The following CNTNAP5 variants were observed in gnomAD, a reference collection of about 807,000 sequenced individuals.
CNTNAP5 encodes the protein contactin associated protein family member 5.
Under a neutral mutation model 150.2 loss-of-function variants are expected in CNTNAP5, and 72 were observed. The observed-to-expected ratio is 0.48, with a 90% CI of 0.40 to 0.58. The LOEUF is 0.58. Ranked by LOEUF, CNTNAP5 falls within the 20% of genes least tolerant of loss-of-function variation. CNTNAP5 has a pLI of 0.00. For missense variants in CNTNAP5, 1,636 were observed against 1,626.2 expected, an observed-to-expected ratio of 1.01 and a Z score of -0.10; for synonymous variants, 672 against 619.8, an observed-to-expected ratio of 1.08 and a Z score of -1.25.
At chr2:124,897,350 A>G (rs762750834) in intron 21 of CNTNAP5, among the ~76,000 whole-genome samples, 2 of 151,546 alleles carry the variant, frequency 1.3e-5, no homozygotes, top group Non-Finnish European at 2.9e-5. Context: ...GGTCTGCTAA[A>G]TTAATCCACC....
chr2:124,079,825 C>T (rs1201187852), intron 1 of CNTNAP5, among the ~76,000 whole-genome samples: 2 of 152,052 alleles, frequency 1.3e-5, no homozygotes, highest in Non-Finnish European at 2.9e-5. Flanking sequence ...GTTCAAAATG[C>T]AGGCTCAATA....
At chr2:124,371,471 A>G (rs994239885) in intron 3 of CNTNAP5, among the ~76,000 whole-genome samples, 9 of 152,140 alleles carry the variant, frequency 5.9e-5, no homozygotes, top group African/African-American at 2.2e-4. Flanking sequence ...TGGGAGTTCC[A>G]TAATCCATTA....
At chr2:124,586,142 T>C (rs909823877) in intron 11 of CNTNAP5, among the ~76,000 whole-genome samples, 1 of 152,146 alleles carries the variant, frequency 6.6e-6, no homozygotes, top group Non-Finnish European at 1.5e-5. Context: ...AGGCAGGACT[T>C]CCTCACTTAG....
intron 13 of CNTNAP5, among the ~76,000 whole-genome samples, chr2:124,676,696 G>A (rs1012134828): frequency 2.0e-5 from 3 of 152,176 alleles, no homozygotes; most frequent in Admixed American, 2.0e-4. Context: ...ACTTGTGAGG[G>A]TGTTGGTTTT....
At chr2:124,131,552 G>A (rs1348073000) in intron 1 of CNTNAP5, among the ~76,000 whole-genome samples, 1 of 152,172 alleles carries the variant, frequency 6.6e-6, no homozygotes, top group African/African-American at 2.4e-5. Flanking sequence ...ATTCAATGAT[G>A]TGCTGATAGG....
In CNTNAP5 at chr2:124,869,190, C is replaced by T. The variant is rs1048353687; in HGVS notation, c.3349-485C>T. 3.9e-5 allele frequency among the ~76,000 whole-genome samples: 6 copies of T among 152,016 alleles called. No homozygotes were observed. The East Asian group carries it at 9.7e-4, about 25-fold the overall frequency. ...TGTTTTGTCAGACTGCAATCCTTGC[C>T]CAGGAAAAGCTCTCTGCCCACAACT... is the stretch of plus-strand genomic sequence containing the variant. On this transcript the variant is annotated intron_variant, in intron 20 of 23. Coordinates refer to ENST00000682447, the MANE Select transcript of CNTNAP5 (RefSeq NM_001367498.1).
chr2:124,670,557 T>G (rs1193176541), intron 13 of CNTNAP5, among the ~76,000 whole-genome samples: 2 of 152,026 alleles, frequency 1.3e-5, no homozygotes, highest in Non-Finnish European at 2.9e-5. Flanking sequence ...GTTTCTAATT[T>G]TGATGAAGCC....
chr2:124,094,943 G>A (rs1490861919), intron 1 of CNTNAP5, among the ~76,000 whole-genome samples: 1 of 152,184 alleles, frequency 6.6e-6, no homozygotes, highest in East Asian at 1.9e-4. Flanking sequence ...GGTGGGCACT[G>A]CTGCCCTCAG....
At chr2:124,159,454 A>T (rs1684622862) in intron 1 of CNTNAP5, among the ~76,000 whole-genome samples, 1 of 152,130 alleles carries the variant, frequency 6.6e-6, no homozygotes, top group African/African-American at 2.4e-5. Context: ...TATTTACAAA[A>T]ATAGGTGGCA....
intron 3 of CNTNAP5, among the ~76,000 whole-genome samples, chr2:124,262,480 T>G (rs943730847): frequency 6.6e-6 from 1 of 152,160 alleles, no homozygotes; most frequent in Non-Finnish European, 1.5e-5. Context: ...ACCAGCATCA[T>G]TCTGTAAACT....
intron 1 of CNTNAP5, among the ~76,000 whole-genome samples, chr2:124,121,137 T>TACACACAC (rs3981152): frequency 3.0e-4 from 45 of 148,752 alleles, no homozygotes; most frequent in Admixed American, 9.4e-4. Context: ...CTTATTGCCA[T>TACACACAC]ACACACACAC....
intron 8 of CNTNAP5, among the ~76,000 whole-genome samples, chr2:124,508,043 C>A (rs1026262626): frequency 6.6e-6 from 1 of 151,842 alleles, no homozygotes; most frequent in African/African-American, 2.4e-5. Flanking sequence ...TATTAGCAGG[C>A]ACAGATTATC....
At chr2:124,473,457 A>C (rs1409562690) in intron 6 of CNTNAP5, among the ~76,000 whole-genome samples, 1 of 152,096 alleles carries the variant, frequency 6.6e-6, no homozygotes, top group Non-Finnish European at 1.5e-5. Context: ...AGTGGGCAAC[A>C]GGATTAATAA....
intron 11 of CNTNAP5, among the ~76,000 whole-genome samples, chr2:124,597,163 G>A (rs1389202274): frequency 2.7e-5 from 4 of 148,016 alleles, no homozygotes; most frequent in East Asian, 4.1e-4. Flanking sequence ...ATATTGTTAT[G>A]TGTGAATTTG....
intron 17 of CNTNAP5, among the ~76,000 whole-genome samples, 179 bp from the exon 18 acceptor site, chr2:124,789,723 A>G (rs1681675697): frequency 6.6e-6 from 1 of 152,140 alleles, no homozygotes; most frequent in African/African-American, 2.4e-5. Context: ...TGTTTCTAGG[A>G]CATGCATTTA....
chr2:124,335,662 G>A (rs1239255811), intron 3 of CNTNAP5, among the ~76,000 whole-genome samples: 1 of 151,050 alleles, frequency 6.6e-6, no homozygotes, highest in African/African-American at 2.4e-5. Flanking sequence ...TGAAAAGGAA[G>A]GAAAGACAGG....
chr2:124,352,468 G>A (rs1337162039), intron 3 of CNTNAP5, among the ~76,000 whole-genome samples: 2 of 152,134 alleles, frequency 1.3e-5, no homozygotes, highest in East Asian at 3.9e-4. Context: ...AGACAAAACA[G>A]TGCCTGGACG....
chr2:124,344,687 T>C (rs1689696878), intron 3 of CNTNAP5, among the ~76,000 whole-genome samples: 1 of 152,074 alleles, frequency 6.6e-6, no homozygotes, highest in African/African-American at 2.4e-5. Context: ...GCCCAGAAGT[T>C]GGAGGTTACA....
In CNTNAP5 at chr2:124,263,972, A is replaced by G. The variant is rs181232655; in HGVS notation, c.381+21579A>G. 3.9e-4 allele frequency among the ~76,000 whole-genome samples: 59 copies of G among 152,088 alleles called. No homozygotes were observed. The East Asian group carries it at 9.3e-3, about 24-fold the overall frequency. On this transcript the variant is annotated intron_variant, in intron 3 of 23. Coordinates refer to ENST00000682447, the MANE Select transcript of CNTNAP5 (RefSeq NM_001367498.1). ...CTGATGGTTGTAGATGTGTGGTATT[A>G]TTTCTGAGGGTTCTGTTCTGTTCCA...
Sources: gnomAD v4.1 joint callset for allele counts (sites outside exome capture counted in the v4.1 genomes callset) on GRCh38, gnomAD v4.1.1 for gene constraint, MANE v1.5 for transcripts, NCBI Gene and HGNC (gene_info 2026-07-23, HGNC 2026-07-21) for gene names.